LARGE1: variants seen among roughly 807,000 people sequenced by gnomAD.
The protein encoded by LARGE1 is LARGE xylosyl- and glucuronyltransferase 1, also known as xylosyl- and glucuronyltransferase LARGE1.
LARGE1 carries 43 observed loss-of-function variants against 87.6 expected under a neutral mutation model. The observed-to-expected ratio is 0.49, with a 90% confidence interval of 0.38 to 0.63. The LOEUF (loss-of-function observed/expected upper bound fraction) is 0.63, where lower values mean the gene tolerates loss of function less well. Ranked by LOEUF, LARGE1 falls within the 30% of genes least tolerant of loss-of-function variation. LARGE1 has a pLI of 0.00. For synonymous variants in LARGE1, 434 were observed against 394.6 expected (o/e 1.10, Z -1.18); for missense variants, 802 against 1,000.2 (o/e 0.80, Z 2.67).
chr22:33,463,632 T>C (rs1034024150), intron 6 of LARGE1, among the ~76,000 whole-genome samples: 2 of 152,148 alleles, frequency 1.3e-5, no homozygotes, highest in Non-Finnish European at 2.9e-5. Flanking sequence ...TCCCAAAATA[T>C]ATATGGTTAA....
At chr22:33,374,354 T>G (rs1159870703) in intron 9 of LARGE1, among the ~76,000 whole-genome samples, 1 of 152,214 alleles carries the variant, frequency 6.6e-6, no homozygotes, top group Non-Finnish European at 1.5e-5. Flanking sequence ...AAACAAACAT[T>G]TTATATGTTA....
At chr22:33,394,365 A>AT (rs1315114542) in intron 7 of LARGE1, among the ~76,000 whole-genome samples, 10 of 151,898 alleles carry the variant, frequency 6.6e-5, no homozygotes, top group Admixed American at 6.6e-4. Flanking sequence ...CACCCAGCTA[A>AT]TTTTTTGTAT....
chr22:33,433,291 C>T (rs894239443), intron 6 of LARGE1, among the ~76,000 whole-genome samples: 1 of 152,056 alleles, frequency 6.6e-6, no homozygotes, highest in Non-Finnish European at 1.5e-5. Flanking sequence ...TATCAATCCA[C>T]GTTTTGTAGA....
the LARGE1 span, among the ~76,000 whole-genome samples, chr22:33,083,551 CTG>C: frequency 2.0e-5 from 3 of 152,184 alleles, no homozygotes; most frequent in Non-Finnish European, 4.4e-5. Context: ...GACAGAGTCT[CTG>C]TTTCACTCAG....
intron 2 of LARGE1, among the ~76,000 whole-genome samples, chr22:33,689,984 G>A (rs2082052113): frequency 6.6e-6 from 1 of 151,982 alleles, no homozygotes; most frequent in African/African-American, 2.4e-5. Flanking sequence ...TACTTATAAT[G>A]TACATCTTTC....
chr22:33,550,178 T>C (rs3071594), intron 6 of LARGE1, among the ~76,000 whole-genome samples: 32,369 of 104,268 alleles, frequency 0.31, 4,053 homozygotes, highest in Admixed American at 0.39. Context: ...CACACACACA[T>C]ATATATATAT....
intron 1 of LARGE1, among the ~76,000 whole-genome samples, chr22:33,814,219 T>C (rs1312319520): frequency 6.6e-6 from 1 of 152,182 alleles, no homozygotes; most frequent in African/African-American, 2.4e-5. Flanking sequence ...ATCACTCAAA[T>C]CATTCTCTTC....
rs370635973 is a variant in LARGE1, at chr22:33,627,764, A to T, written c.409-1438T>A. On this transcript the variant is annotated intron_variant, in intron 3 of 14. Coordinates refer to ENST00000397394, the MANE Select transcript of LARGE1 (RefSeq NM_133642.5). Reference sequence around the variant, plus strand: ...CACATCCATGACCCATTTAACCCCAATGACCTTCACCCCAACTTGGACACC... The same window carrying T: ...CACATCCATGACCCATTTAACCCCATTGACCTTCACCCCAACTTGGACACC... Among the ~76,000 whole-genome samples the T allele has an allele frequency of 5.3e-5, 8 of 152,204 alleles. No homozygotes were observed. In the South Asian group the frequency reaches 1.7e-3, roughly 32 times the overall value.
chr22:33,155,135 T>A, the LARGE1 span, among the ~76,000 whole-genome samples: 1 of 152,102 alleles, frequency 6.6e-6, no homozygotes, highest in East Asian at 1.9e-4. Flanking sequence ...ATTTACTGTA[T>A]CAGAAAATGG....
intron 1 of LARGE1, among the ~76,000 whole-genome samples, chr22:33,773,382 A>T (rs2085132981): frequency 6.6e-6 from 1 of 152,154 alleles, no homozygotes; most frequent in Non-Finnish European, 1.5e-5. Context: ...ACTCCTGCCA[A>T]CTCAGTTTGT....
At chr22:33,271,310 A>T (rs1300398983), downstream of LARGE1, among the ~76,000 whole-genome samples, 1 of 152,212 alleles carries the variant, frequency 6.6e-6, no homozygotes, top group Non-Finnish European at 1.5e-5. Context: ...TTTGATTTAA[A>T]TTCTAGGTCT....
chr22:33,364,861 A>C (rs575499630), intron 9 of LARGE1, among the ~76,000 whole-genome samples: 1 of 150,162 alleles, frequency 6.7e-6, no homozygotes, highest in South Asian at 2.2e-4. Context: ...CATGCCGGCT[A>C]ATTTTTTATT....
chr22:33,316,048 G>A (rs1011121286), intron 11 of LARGE1, 37 bp downstream of exon 11: 1 of 1,609,696 alleles, frequency 6.2e-7, no homozygotes, highest in Non-Finnish European at 8.5e-7. Context: ...AACAGCCGCG[G>A]TGAGGAGACT....
chr22:33,691,290 G>A (rs1343925719), intron 2 of LARGE1, among the ~76,000 whole-genome samples: 1 of 151,858 alleles, frequency 6.6e-6, no homozygotes, highest in Non-Finnish European at 1.5e-5. Flanking sequence ...GGAGGGAGGA[G>A]GAGAAGAGGC....
At chr22:33,814,664 A>T (rs2086597388) in intron 1 of LARGE1, among the ~76,000 whole-genome samples, 1 of 152,068 alleles carries the variant, frequency 6.6e-6, no homozygotes, top group African/African-American at 2.4e-5. Flanking sequence ...AGTGTAACCT[A>T]CCCACAACTT....
chr22:33,809,352 T>C (rs888044816), intron 1 of LARGE1, among the ~76,000 whole-genome samples: 1 of 152,236 alleles, frequency 6.6e-6, no homozygotes. Context: ...TTTATACTTA[T>C]GAACATACAC....
intron 1 of LARGE1, among the ~76,000 whole-genome samples, chr22:33,813,431 C>G (rs1300214903): frequency 6.6e-6 from 1 of 151,902 alleles, no homozygotes; most frequent in African/African-American, 2.4e-5. Flanking sequence ...CAGCAATGTC[C>G]CACACACACA....
chr22:33,370,013 C>T (rs1054455759), intron 9 of LARGE1, among the ~76,000 whole-genome samples: 3 of 152,066 alleles, frequency 2.0e-5, no homozygotes, highest in Non-Finnish European at 2.9e-5. Context: ...AACCAACAAC[C>T]TAGACATCTT....
chr22:33,250,514 T>C (rs186849469), intron 11 of LARGE1, among the ~76,000 whole-genome samples: 125 of 152,342 alleles, frequency 8.2e-4, no homozygotes, highest in Non-Finnish European at 1.5e-3. Context: ...CTTCTTTCCT[T>C]TTCTTGTCTT....
Sources: gnomAD v4.1 joint callset for allele counts (sites outside exome capture counted in the v4.1 genomes callset) on GRCh38, gnomAD v4.1.1 for gene constraint, MANE v1.5 for transcripts, NCBI Gene and HGNC (gene_info 2026-07-23, HGNC 2026-07-21) for gene names.